The following ERGIC1 variants were observed in gnomAD, a reference collection of about 807,000 sequenced individuals.
The protein encoded by ERGIC1 is endoplasmic reticulum-golgi intermediate compartment 1, also known as endoplasmic reticulum-Golgi intermediate compartment protein 1.
A neutral mutation model predicts 38.3 loss-of-function variants in ERGIC1; 19 were observed. That is an observed-to-expected ratio of 0.50 (90% CI 0.35 to 0.73). The LOEUF (loss-of-function observed/expected upper bound fraction) is 0.73, where lower values mean the gene tolerates loss of function less well. Among genes scored for constraint, ERGIC1 ranks in the 30% least tolerant of loss-of-function variants. The pLI is 0.01. For missense variants in ERGIC1, 294 were observed against 389.2 expected (o/e 0.76, Z 2.06); for synonymous variants, 124 against 157.6 (o/e 0.79, Z 1.60).
Position 172,926,239 on chromosome 5 carries a change from AATAATAC to A in ERGIC1, c.481-267_481-261del, listed in dbSNP as rs1561739453. On this transcript the variant is annotated intron_variant, in intron 6 of 9. Transcript: ENST00000393784. The surrounding 1 kb of genome is among the most constrained non-coding windows in gnomAD (Gnocchi z 5.2). ...ATTTGCTCTTCTGTAAAATGGGCCC[AATAATAC>A]ATCATTAGGGGCATGAAATGAAATT... Among the ~76,000 whole-genome samples the A allele has an allele frequency of 6.6e-6, 1 of 152,232 alleles. No homozygotes were observed. Among genetic ancestry groups the A allele is most frequent in the Non-Finnish European group, 1.5e-5 (1 of 68,038 alleles).
At chr5:172,920,436 C>T (rs1322637840) in intron 5 of ERGIC1, 4 of 717,746 alleles carry the variant, frequency 5.6e-6, no homozygotes, top group Middle Eastern at 2.3e-4. Context: ...AGAGACCCCA[C>T]GGTGACCTCG....
chr5:172,914,649 C>G, intron 4 of ERGIC1, 65 bp from the exon 5 acceptor site: 1 of 1,613,024 alleles, frequency 6.2e-7, no homozygotes, highest in Non-Finnish European at 8.5e-7. Context: ...CCAGAGAGAA[C>G]AGGCTGGCCC....
intron 1 of ERGIC1, among the ~76,000 whole-genome samples, chr5:172,854,512 G>A (rs1250142990): frequency 2.6e-5 from 4 of 152,278 alleles, no homozygotes; most frequent in Non-Finnish European, 5.9e-5. Context: ...CGTCTGCGTG[G>A]CTCTTCTGCA....
intron 1 of ERGIC1, among the ~76,000 whole-genome samples, chr5:172,852,851 T>C (rs1761446991): frequency 1.3e-5 from 2 of 152,240 alleles, no homozygotes; most frequent in South Asian, 4.1e-4. Context: ...GATGACTGTT[T>C]GGTTTGCACA....
intron 2 of ERGIC1, among the ~76,000 whole-genome samples, chr5:172,892,073 T>TTGTTTTG (rs1762578832): frequency 2.0e-5 from 3 of 146,816 alleles, no homozygotes; most frequent in South Asian, 2.1e-4. Context: ...TTTTTTTTTT[T>TTGTTTTG]TTTTTTTTTT....
chr5:172,908,076 GC>G (rs1256461601), intron 3 of ERGIC1, among the ~76,000 whole-genome samples: 1 of 151,530 alleles, frequency 6.6e-6, no homozygotes, highest in African/African-American at 2.4e-5. Context: ...ATGACCCCCT[GC>G]CCCCTGTGAT....
chr5:172,892,073 T>TG lies in ERGIC1; in HGVS notation c.82+3313_82+3314insG, dbSNP rs202237620. Among the ~76,000 whole-genome samples the TG allele has an allele frequency of 1.4e-4, 21 of 146,910 alleles. No individual in the cohort carries two copies. In the South Asian group the frequency reaches 1.7e-3, roughly 12 times the overall value. The stretch of plus-strand genomic sequence containing the variant: ...GGGTTAAAGAGTATGTTTTTTTTTT[T>TG]TTTTTTTTTTTTTGAAACTTACAAG... On this transcript the variant is annotated intron_variant, in intron 2 of 9. Transcript: ENST00000393784.
chr5:172,878,811 T>C (rs530686638), intron 1 of ERGIC1, among the ~76,000 whole-genome samples: 1 of 152,196 alleles, frequency 6.6e-6, no homozygotes, highest in South Asian at 2.1e-4. Context: ...CATACACGCA[T>C]GCACACACAT....
chr5:172,945,660 A>G (rs1267319063), intron 9 of ERGIC1, among the ~76,000 whole-genome samples: 4 of 151,940 alleles, frequency 2.6e-5, no homozygotes, highest in African/African-American at 9.7e-5. Flanking sequence ...GTAGAGCCGC[A>G]GGGGTTTTGT....
At chr5:172,881,788 T>A (rs1177407755) in intron 1 of ERGIC1, among the ~76,000 whole-genome samples, 3 of 152,224 alleles carry the variant, frequency 2.0e-5, no homozygotes, top group Admixed American at 6.5e-5. Flanking sequence ...CAATAATCCC[T>A]AATTTGCAAG....
intron 5 of ERGIC1, chr5:172,922,207 GCT>G (rs1191271537): frequency 1.3e-5 from 2 of 152,272 alleles, no homozygotes; most frequent in Non-Finnish European, 2.9e-5. Context: ...TGAGACTGCA[GCT>G]CTCGACATGT....
chr5:172,944,655 G>A (rs1451712171), intron 9 of ERGIC1, among the ~76,000 whole-genome samples: 1 of 152,198 alleles, frequency 6.6e-6, no homozygotes, highest in Non-Finnish European at 1.5e-5. Context: ...CGCCGCACCC[G>A]GCCAGTCTTC....
chr5:172,873,437 C>G (rs1416075576), intron 1 of ERGIC1, among the ~76,000 whole-genome samples: 1 of 152,242 alleles, frequency 6.6e-6, no homozygotes, highest in Admixed American at 6.5e-5. Context: ...GGGCCCCTCT[C>G]CAGCCTTGCC....
intron 9 of ERGIC1, among the ~76,000 whole-genome samples, chr5:172,943,944 A>G (rs1764063852): frequency 6.6e-6 from 1 of 152,116 alleles, no homozygotes; most frequent in Non-Finnish European, 1.5e-5. Flanking sequence ...ACACACACGC[A>G]CCCCTTTTAA....
chr5:172,861,139 G>A (rs1219124782), intron 1 of ERGIC1, among the ~76,000 whole-genome samples: 22 of 152,070 alleles, frequency 1.4e-4, no homozygotes, highest in Admixed American at 6.5e-4. Context: ...CCCTCCCTGC[G>A]TGCCAGCCGC....
intron 1 of ERGIC1, among the ~76,000 whole-genome samples, chr5:172,849,189 C>G (rs904130437): frequency 4.6e-5 from 7 of 152,214 alleles, no homozygotes; most frequent in African/African-American, 1.2e-4. Flanking sequence ...TACTTTCCGA[C>G]CCCCAGAAAG....
intron 9 of ERGIC1, among the ~76,000 whole-genome samples, chr5:172,944,649 G>A (rs1010368605): frequency 8.5e-5 from 13 of 152,298 alleles, no homozygotes; most frequent in East Asian, 1.9e-4. Context: ...GTGAGCCGCC[G>A]CACCCGGCCA....
intron 1 of ERGIC1, among the ~76,000 whole-genome samples, chr5:172,880,821 C>G (rs1418180867): frequency 6.6e-6 from 1 of 152,228 alleles, no homozygotes; most frequent in African/African-American, 2.4e-5. Flanking sequence ...TCTGCCCCAG[C>G]AGGGGATAAA....
intron 5 of ERGIC1, chr5:172,915,130 C>G (rs1220830717): frequency 2.9e-6 from 2 of 682,974 alleles, no homozygotes; most frequent in East Asian, 5.4e-5. Context: ...GCCCTGGGTT[C>G]AAGTCCCAGC....
Sources: gnomAD v4.1 joint callset for allele counts (sites outside exome capture counted in the v4.1 genomes callset) on GRCh38, gnomAD v4.1.1 for gene constraint, Gnocchi (gnomAD v3.1) non-coding constraint, MANE v1.5 for transcripts, NCBI Gene and HGNC (gene_info 2026-07-23, HGNC 2026-07-21) for gene names.